Variants in TMCC3 observed in about 807,000 individuals in gnomAD.
The protein encoded by TMCC3 is transmembrane and coiled-coil domain protein 3.
In TMCC3, 28 loss-of-function variants were observed where a neutral mutation model predicts 40.2. That is an observed-to-expected ratio of 0.70 (90% CI 0.52 to 0.95). The LOEUF is 0.95. Ranked by LOEUF, TMCC3 falls within the 40% of genes least tolerant of loss-of-function variation. TMCC3 has a pLI of 0.00. For synonymous variants in TMCC3, 255 were observed against 248.5 expected (o/e 1.03, Z -0.25); for missense variants, 554 against 615.2 (o/e 0.90, Z 1.05).
Position 94,593,377 on chromosome 12 carries a change from A to G in TMCC3, c.79-10839T>C, listed in dbSNP as rs1251422759. 4.4e-4 allele frequency among the ~76,000 whole-genome samples: 31 copies of G among 70,106 alleles called. 8 individuals carry two copies. The highest frequency in any genetic ancestry group is 2.7e-3 in the South Asian group (6 of 2,184). The allele number at this position is 70,106 out of a possible 152,430, so 46.0% of individuals were successfully genotyped here. ...CTCCATCTAAAAAAAAAAAAAGAAA[A>G]GAAAAGAAAGAAGAAAGAAGAAAGA... is the stretch of plus-strand genomic sequence containing the variant. On this transcript the variant is annotated intron_variant, in intron 1 of 3. Coordinates refer to ENST00000261226, the MANE Select transcript of TMCC3 (RefSeq NM_020698.4).
intron 1 of TMCC3, among the ~76,000 whole-genome samples, chr12:94,639,273 T>C (rs191680365): frequency 1.9e-3 from 282 of 152,288 alleles, no homozygotes; most frequent in Non-Finnish European, 3.1e-3. Flanking sequence ...GTAACAATCA[T>C]TTATATTGAA....
In TMCC3 at chr12:94,571,592, A is replaced by G; in HGVS notation, c.1277T>C (p.Leu426Ser). The G allele has an allele frequency of 6.2e-7, 1 of 1,614,206 alleles. No individual in the cohort carries two copies. Among genetic ancestry groups the G allele is most frequent in the South Asian group, 1.1e-5 (1 of 91,086 alleles). ...NVILAFMTVI[L>S]VCVSTIAKFV... ...CTTCGCGATGGTGGACACACACACTAAGATGACAGTCATGAAGGCCAGGAT... is the reference window on the plus strand; with the variant it reads ...CTTCGCGATGGTGGACACACACACTGAGATGACAGTCATGAAGGCCAGGAT... Residue 426 changes from leucine (L) to serine (S), a missense_variant, in exon 4 of 4, where the codon TTA (leucine) becomes TCA (serine). Leu to Ser is a moderately radical substitution (Grantham distance 145). Transcript: ENST00000261226.
chr12:94,611,471 T>C (rs941164627), intron 1 of TMCC3, among the ~76,000 whole-genome samples: 3 of 152,152 alleles, frequency 2.0e-5, no homozygotes, highest in Admixed American at 6.5e-5. Flanking sequence ...CTGTATTTCA[T>C]GGGCAATGAT....
intron 1 of TMCC3, among the ~76,000 whole-genome samples, chr12:94,617,053 G>A (rs1311601651): frequency 6.6e-6 from 1 of 152,148 alleles, no homozygotes; most frequent in Non-Finnish European, 1.5e-5. Context: ...GAAGGAGGTG[G>A]AATGAGAGGA....
chr12:94,582,031 G>A lies in TMCC3; in HGVS notation c.586C>T (p.Pro196Ser). 8 of 1,614,182 alleles carry A rather than the reference G, an allele frequency of 5.0e-6. No homozygotes were observed. Among genetic ancestry groups the A allele is most frequent in the African/African-American group, 1.3e-5 (1 of 75,048 alleles). Residue 196 changes from proline to serine, a missense_variant, in exon 2 of 4, where the codon CCT (proline) becomes TCT (serine). Pro to Ser is a moderately conservative substitution (Grantham distance 74). Transcript: ENST00000261226. ...SGMPGVSLTP[P>S]VFVFNKSREF... is the part of the protein sequence containing the mutation. Reference sequence around the variant, plus strand: ...CTGGACTTATTGAAAACGAACACAGGTGGAGTAAGTGAGACCCCTGGCATG... The same window carrying A: ...CTGGACTTATTGAAAACGAACACAGATGGAGTAAGTGAGACCCCTGGCATG...
At chr12:94,640,662 T>C (rs1000009956) in intron 1 of TMCC3, among the ~76,000 whole-genome samples, 2 of 152,216 alleles carry the variant, frequency 1.3e-5, no homozygotes, top group African/African-American at 4.8e-5. Context: ...TGGGAATGAC[T>C]GAACTTTGGG....
intron 3 of TMCC3, among the ~76,000 whole-genome samples, chr12:94,572,483 G>A (rs191670691): frequency 1.3e-5 from 2 of 151,744 alleles, no homozygotes; most frequent in East Asian, 3.9e-4. Context: ...GCTAATTTTT[G>A]TATTTTTAGT....
At chr12:94,625,012 C>T in intron 1 of TMCC3, among the ~76,000 whole-genome samples, 1 of 151,274 alleles carries the variant, frequency 6.6e-6, no homozygotes, top group East Asian at 2.0e-4. Context: ...TGTGGTGACA[C>T]ACCCCTCCCT....
At chr12:94,597,073 A>G (rs543466612) in intron 1 of TMCC3, among the ~76,000 whole-genome samples, 60 of 140,474 alleles carry the variant, frequency 4.3e-4, no homozygotes, top group African/African-American at 1.5e-3. Context: ...GGAGCCCAGG[A>G]GTTTGAGACC....
chr12:94,603,849 A>G (rs185950486), intron 1 of TMCC3, among the ~76,000 whole-genome samples: 255 of 152,366 alleles, frequency 1.7e-3, no homozygotes, highest in Non-Finnish European at 2.2e-3. Flanking sequence ...TTATCTTTAT[A>G]GTACCTGTAA....
intron 1 of TMCC3, among the ~76,000 whole-genome samples, chr12:94,614,918 C>A (rs2068839579): frequency 6.6e-6 from 1 of 151,904 alleles, no homozygotes; most frequent in Admixed American, 6.6e-5. Flanking sequence ...GCTGCTACCA[C>A]TCCCAGCTAA....
In TMCC3 at chr12:94,571,023, A is replaced by T; in HGVS notation, c.*412T>A. The T allele has an allele frequency of 4.7e-6, 1 of 213,564 alleles. No individual in the cohort carries two copies. Among genetic ancestry groups the T allele is most frequent in the Non-Finnish European group, 9.5e-6 (1 of 105,596 alleles). The allele number at this position is 213,564 out of a possible 1,614,324, so 13.2% of individuals were successfully genotyped here. A position where few individuals can be genotyped will look rare whatever the true frequency, so the allele number is the denominator to read the frequency against. ...CCTGTGATTCTTCATTCCCTGAATCATGCATATCCTTGCTTTTTATAGGAC... is the reference window on the plus strand; with the variant it reads ...CCTGTGATTCTTCATTCCCTGAATCTTGCATATCCTTGCTTTTTATAGGAC... On this transcript the variant is annotated 3_prime_UTR_variant, in exon 4 of 4. Coordinates refer to ENST00000261226, the MANE Select transcript of TMCC3 (RefSeq NM_020698.4).
chr12:94,633,528 G>A (rs556659345), intron 1 of TMCC3, among the ~76,000 whole-genome samples: 3 of 152,178 alleles, frequency 2.0e-5, no homozygotes, highest in South Asian at 2.1e-4. Flanking sequence ...TAATGATTAC[G>A]GTTTTCTCCA....
chr12:94,573,060 C>G (rs1405796232), intron 3 of TMCC3, among the ~76,000 whole-genome samples: 1 of 152,180 alleles, frequency 6.6e-6, no homozygotes, highest in Non-Finnish European at 1.5e-5. Flanking sequence ...GAAAGCACCT[C>G]AAATGCAACA....
intron 1 of TMCC3, among the ~76,000 whole-genome samples, chr12:94,641,625 G>A (rs2138885369): frequency 6.6e-6 from 1 of 152,224 alleles, no homozygotes; most frequent in South Asian, 2.1e-4. Context: ...TTTAGGCTTG[G>A]GTTTAAGGGT....
In TMCC3 at chr12:94,593,475, G is replaced by GAAT. The variant is rs1555282909; in HGVS notation, c.79-10940_79-10938dup. Among the ~76,000 whole-genome samples the GAAT allele has an allele frequency of 6.1e-4, 83 of 136,430 alleles. 4 individuals are homozygous for GAAT. Among genetic ancestry groups the GAAT allele is most frequent in the African/African-American group, 2.3e-3 (80 of 35,060 alleles). 89.5% of individuals were successfully genotyped at this position (136,430 alleles called of 152,430 possible). On this transcript the variant is annotated intron_variant, in intron 1 of 3. Coordinates refer to ENST00000261226, the MANE Select transcript of TMCC3 (RefSeq NM_020698.4). Reference sequence around the variant, plus strand: ...AGGAGAAGAAGAAGAAGAAGAAGAAGAATTCTATTTCCTGAGAGCTGGTAA... The same window carrying GAAT: ...AGGAGAAGAAGAAGAAGAAGAAGAAGAATAATTCTATTTCCTGAGAGCTGGTAA...
At chr12:94,610,277 A>C (rs984121152) in intron 1 of TMCC3, among the ~76,000 whole-genome samples, 16 of 152,186 alleles carry the variant, frequency 1.1e-4, no homozygotes, top group African/African-American at 3.6e-4. Context: ...TTTAGCCACC[A>C]AGTGTAAATA....
At position 94,639,646 on chromosome 12, in the gene TMCC3, T is replaced by C. The variant is rs915615559; in HGVS notation, c.78+10707A>G. Among the ~76,000 whole-genome samples, 10 of 133,550 alleles carry C rather than the reference T, an allele frequency of 7.5e-5. 1 individual carries two copies. The highest frequency in any genetic ancestry group is 7.3e-4 in the Admixed American group (9 of 12,290). The allele number at this position is 133,550 out of a possible 152,430, so 87.6% of individuals were successfully genotyped here. A position where few individuals can be genotyped will look rare whatever the true frequency, so the allele number is the denominator to read the frequency against. On this transcript the variant is annotated intron_variant, in intron 1 of 3. Coordinates refer to ENST00000261226, the MANE Select transcript of TMCC3 (RefSeq NM_020698.4). ...TTGGTATACAAGGATTTAAGATAGA[T>C]TACAGGAAACACATATATGTAAACA...
rs1341356220 is a variant in TMCC3, at chr12:94,640,232, A to G, written c.78+10121T>C. On this transcript the variant is annotated intron_variant, in intron 1 of 3. Coordinates refer to ENST00000261226, the MANE Select transcript of TMCC3 (RefSeq NM_020698.4). ...ACCCAGGTTGGAGTGCACTGATGCA[A>G]TCAAGGCTCACTGCAGCCTCACCCC... Among the ~76,000 whole-genome samples the G allele has an allele frequency of 1.3e-5, 2 of 152,200 alleles. 1 individual carries two copies. The highest frequency in any genetic ancestry group is 2.9e-5 in the Non-Finnish European group (2 of 68,028).
Sources: gnomAD v4.1 joint callset for allele counts (sites outside exome capture counted in the v4.1 genomes callset) on GRCh38, gnomAD v4.1.1 for gene constraint, MANE v1.5 for transcripts, NCBI Gene and HGNC (gene_info 2026-07-23, HGNC 2026-07-21) for gene names.